The following MYOM2 variants were observed in gnomAD, a reference collection of about 807,000 sequenced individuals.
MYOM2 encodes myomesin-2.
Under a neutral mutation model 187.6 loss-of-function variants are expected in MYOM2, and 254 were observed. That is an observed-to-expected ratio of 1.35 (90% CI 1.22 to 1.50). The LOEUF (loss-of-function observed/expected upper bound fraction) is 1.50. Ranked by LOEUF, MYOM2 falls within the 40% of genes most tolerant of loss-of-function variation. The pLI, the probability that MYOM2 is intolerant of heterozygous loss-of-function variation, is 0.00. For missense variants in MYOM2, 2,796 were observed against 1,924.0 expected, an observed-to-expected ratio of 1.45 and a Z score of -8.48; for synonymous variants, 981 against 753.8, an observed-to-expected ratio of 1.30 and a Z score of -4.94.
chr8:2,104,570 A>G (rs2116794466), intron 21 of MYOM2, among the ~76,000 whole-genome samples: 1 of 151,656 alleles, frequency 6.6e-6, no homozygotes, highest in Admixed American at 6.6e-5. Flanking sequence ...GCGCCACTGC[A>G]CTCTAGCCTG....
intron 6 of MYOM2, among the ~76,000 whole-genome samples, chr8:2,060,542 G>C (rs1360897985): frequency 6.6e-6 from 1 of 152,060 alleles, no homozygotes; most frequent in Admixed American, 6.5e-5. Flanking sequence ...TGAGACATTG[G>C]AACATACGAT....
chr8:2,107,496 A>T (rs1347637400), intron 23 of MYOM2, among the ~76,000 whole-genome samples: 1 of 152,058 alleles, frequency 6.6e-6, no homozygotes, highest in Non-Finnish European at 1.5e-5. Context: ...AGAACATCCG[A>T]CCCAGGATCG....
intron 8 of MYOM2, among the ~76,000 whole-genome samples, chr8:2,071,358 T>C (rs971631828): frequency 6.6e-6 from 1 of 152,156 alleles, no homozygotes; most frequent in African/African-American, 2.4e-5. Flanking sequence ...TTTTTTTGGT[T>C]TTAAAAATTC....
At chr8:2,109,070 T>C (rs748966256) in intron 24 of MYOM2, among the ~76,000 whole-genome samples, 6 of 152,210 alleles carry the variant, frequency 3.9e-5, no homozygotes, top group Non-Finnish European at 7.3e-5. Flanking sequence ...CTGTTGCTAA[T>C]CCGAGTGAGA....
intron 25 of MYOM2, among the ~76,000 whole-genome samples, chr8:2,113,364 A>G (rs3779831): frequency 0.56 from 85,305 of 152,048 alleles, 24,028 homozygotes; most frequent in East Asian, 0.63. Flanking sequence ...AACACCTTTC[A>G]GTATCTGTTA....
Position 2,098,863 on chromosome 8 carries a change from G to C in MYOM2, c.2320G>C (p.Gly774Arg), listed in dbSNP as rs764247485. 2.5e-6 allele frequency: 4 copies of C among 1,611,228 alleles called. No individual in the cohort carries two copies. The highest frequency in any genetic ancestry group is 1.7e-4 in the Middle Eastern group (1 of 6,048). ...TTAAACAAAATCTGAATAGGTGGAC[G>C]GCTTGACGGAAGGCTCACTCTACGA... ...PSKPTILTVD[G>R]LTEGSLYEFK... Residue 774 changes from glycine (G) to arginine (R), a missense_variant, in exon 19 of 37, where the codon GGC becomes CGC. Transcript: ENST00000262113.
chr8:2,118,476 G>A (rs574204529), intron 28 of MYOM2, among the ~76,000 whole-genome samples: 22 of 152,288 alleles, frequency 1.4e-4, no homozygotes, highest in African/African-American at 5.3e-4. Context: ...GATCAATAAT[G>A]CATTGTTTTT....
rs1316873444 is a variant in MYOM2 at position 2,100,879 on chromosome 8, C to T, written c.2444C>T (p.Pro815Leu). 1.1e-5 allele frequency: 18 copies of T among 1,614,112 alleles called. No homozygotes were observed. The African/African-American group carries it at 1.7e-4, about 16-fold the overall frequency. The change falls in exon 20 of 37, where the codon CCT becomes CTT. Residue 815 changes from proline (P) to leucine (L), a missense_variant. Physicochemically the swap from Pro to Leu is moderately conservative, Grantham distance 98. Transcript: ENST00000262113. ...AAGGTGGCATCTGACTTCACAGGTC[C>T]TGCCTACGACTTGACGTTCTGTGAG... ...CEAWTMPEPG[P>L]AYDLTFCEVR...
intron 28 of MYOM2, among the ~76,000 whole-genome samples, chr8:2,121,856 T>G (rs1428565554): frequency 6.6e-6 from 1 of 152,198 alleles, no homozygotes; most frequent in African/African-American, 2.4e-5. Flanking sequence ...TAAGAGGTGA[T>G]GTAATCATCT....
intron 13 of MYOM2, chr8:2,081,771 T>A (rs1819637744): frequency 1.3e-5 from 2 of 152,340 alleles, no homozygotes; most frequent in Admixed American, 6.5e-5. Context: ...TCATGAGGTG[T>A]CAAATGAAGA....
intron 6 of MYOM2, among the ~76,000 whole-genome samples, chr8:2,068,773 T>C (rs1819112155): frequency 6.6e-6 from 1 of 152,168 alleles, no homozygotes; most frequent in Non-Finnish European, 1.5e-5. Flanking sequence ...CCCCCCGCCA[T>C]GGTTCAGGGC....
In MYOM2 at chr8:2,057,657, T is replaced by C. The variant is rs752940588; in HGVS notation, c.437T>C (p.Phe146Ser). Residue 146 changes from phenylalanine (F) to serine (S), a missense_variant, in exon 5 of 37, where the codon TTT (phenylalanine) becomes TCT (serine). By Grantham distance (155) the Phe-to-Ser change is radical (BLOSUM62 -2). Coordinates refer to ENST00000262113, the MANE Select transcript of MYOM2 (RefSeq NM_003970.4). ...EDKLAWERHT[F>S]EERISRAPEI... ...AAGCTGGCCTGGGAGAGACACACAT[T>C]TGAAGAGCGGATAAGCAGGGCTCCT... 6.2e-7 allele frequency: 1 copy of C among 1,614,114 alleles called. No homozygotes were observed. The highest frequency in any genetic ancestry group is 8.5e-7 in the Non-Finnish European group (1 of 1,180,022).
intron 31 of MYOM2, among the ~76,000 whole-genome samples, chr8:2,128,805 C>T (rs956490398): frequency 6.6e-6 from 1 of 152,190 alleles, no homozygotes; most frequent in African/African-American, 2.4e-5. Flanking sequence ...GTAGCATTTG[C>T]CATGCACTGT....
In MYOM2 at chr8:2,085,408, G is replaced by A; in HGVS notation, c.1644+18G>A. The A allele has an allele frequency of 6.3e-7, 1 of 1,590,608 alleles. No homozygotes were observed. Among genetic ancestry groups the A allele is most frequent in the South Asian group, 1.1e-5 (1 of 89,898 alleles). On this transcript the variant is annotated intron_variant, in intron 14 of 36. Transcript: ENST00000262113. Reference sequence around the variant, plus strand: ...TTGAGAAGGTAAACTCCGGGCCCGTGTCCTGGAAAAGTAGATCTCTGCATG... The same window carrying A: ...TTGAGAAGGTAAACTCCGGGCCCGTATCCTGGAAAAGTAGATCTCTGCATG...
chr8:2,058,783 G>T (rs981966705), intron 5 of MYOM2, among the ~76,000 whole-genome samples: 25 of 152,144 alleles, frequency 1.6e-4, no homozygotes, highest in Non-Finnish European at 5.9e-5. Context: ...CAGGGTCAGT[G>T]CGTTAGGTCC....
intron 32 of MYOM2, 26 bp downstream of exon 32, chr8:2,129,258 G>T: frequency 1.3e-6 from 2 of 1,534,854 alleles, no homozygotes; most frequent in Non-Finnish European, 1.8e-6. Context: ...GCCGATGGAG[G>T]CCATGCCATA....
chr8:2,057,470 A>G lies in MYOM2; in HGVS notation c.386A>G (p.Tyr129Cys). ...RSQARDKLDK[Y>C]AIQQMMEDKL... ...CAGGCCCGCGACAAGCTGGACAAAT[A>G]CGCCATTCAGCAGATGGTAGGAGGG... Residue 129 changes from tyrosine to cysteine, a missense_variant, in exon 4 of 37, where the codon TAC (tyrosine) becomes TGC (cysteine). By Grantham distance (194) the Tyr-to-Cys change is radical (BLOSUM62 -2). Coordinates refer to ENST00000262113, the MANE Select transcript of MYOM2 (RefSeq NM_003970.4). The G allele has an allele frequency of 6.2e-7, 1 of 1,614,024 alleles. No individual in the cohort carries two copies.
At chr8:2,054,533 T>A (rs1450255102) in intron 3 of MYOM2, among the ~76,000 whole-genome samples, 3 of 152,200 alleles carry the variant, frequency 2.0e-5, no homozygotes, top group Non-Finnish European at 2.9e-5. Context: ...CAGAAATATT[T>A]CCTCAATGTC....
At chr8:2,128,442 A>G (rs1473734403) in intron 31 of MYOM2, among the ~76,000 whole-genome samples, 1 of 152,158 alleles carries the variant, frequency 6.6e-6, no homozygotes, top group Non-Finnish European at 1.5e-5. Context: ...GTGAATGTAA[A>G]TTTCCAAGGC....
Sources: allele counts gnomAD v4.1 joint callset (sites outside exome capture counted in the v4.1 genomes callset), GRCh38; gene constraint gnomAD v4.1.1; transcripts MANE v1.5; gene names NCBI Gene and HGNC (gene_info 2026-07-23, HGNC 2026-07-21).